Variants in SYNPO2 observed in about 807,000 individuals in gnomAD.
SYNPO2 encodes the protein synaptopodin-2.
A neutral mutation model predicts 85.0 loss-of-function variants in SYNPO2; 56 were observed. The ratio of observed to expected loss-of-function variants is 0.66; its 90% confidence interval spans 0.53 to 0.82. The LOEUF is 0.82. SYNPO2 is among the 40% of genes least tolerant of loss of function. The pLI is 0.00. For missense variants in SYNPO2, 1,575 were observed against 1,534.2 expected, an observed-to-expected ratio of 1.03 and a Z score of -0.44; for synonymous variants, 602 against 591.1, an observed-to-expected ratio of 1.02 and a Z score of -0.27.
rs139496222 is a variant in SYNPO2, at chr4:119,034,668, C to T, written c.3252+2641C>T. 86 of 985,484 alleles carry T rather than the reference C, an allele frequency of 8.7e-5. 1 individual carries two copies. The East Asian group carries it at 8.0e-3, about 92-fold the overall frequency. 61.0% of individuals were successfully genotyped at this position (985,484 alleles called of 1,614,324 possible). A position where few individuals can be genotyped will look rare whatever the true frequency, so the allele number is the denominator to read the frequency against. ...TCCAAAACAATATCCACAACAAAGT[C>T]TGACCTCACTCTGAGGGAGATGGGA... is the stretch of plus-strand genomic sequence containing the variant. On this transcript the variant is annotated intron_variant, in intron 4 of 4. Transcript: ENST00000307142.
chr4:119,006,796 G>T (rs561631733), intron 1 of SYNPO2, among the ~76,000 whole-genome samples: 14 of 152,202 alleles, frequency 9.2e-5, no homozygotes, highest in African/African-American at 3.4e-4. Flanking sequence ...AGGATGATCT[G>T]TATAGCCAGG....
chr4:119,026,527 G>T (rs1040200208), intron 2 of SYNPO2, 100 bp from the exon 3 acceptor site: 3 of 1,262,294 alleles, frequency 2.4e-6, no homozygotes, highest in Middle Eastern at 2.0e-4. Context: ...AAAATATTTT[G>T]ACTATATCAC....
At chr4:118,887,166 A>AGTGAGTGTGTGT (rs1553935343), upstream of SYNPO2, among the ~76,000 whole-genome samples, 1 of 139,058 alleles carries the variant, frequency 7.2e-6, no homozygotes, top group African/African-American at 2.8e-5. Flanking sequence ...CATCTGAGTG[A>AGTGAGTGTGTGT]GTGTGTGTGT....
At chr4:118,914,593 GT>G (rs1000008612) in intron 1 of SYNPO2, among the ~76,000 whole-genome samples, 5 of 152,064 alleles carry the variant, frequency 3.3e-5, no homozygotes, top group African/African-American at 4.8e-5. Flanking sequence ...ATCTGGGAGG[GT>G]TTTTTTGTGA....
At chr4:119,050,378 T>C (rs1280112990) in intron 4 of SYNPO2, among the ~76,000 whole-genome samples, 1 of 152,038 alleles carries the variant, frequency 6.6e-6, no homozygotes, top group Non-Finnish European at 1.5e-5. Context: ...ATTGCAAGTA[T>C]AGTCCAATTA....
At chr4:118,969,751 T>C (rs1390676684) in intron 1 of SYNPO2, among the ~76,000 whole-genome samples, 1 of 151,464 alleles carries the variant, frequency 6.6e-6, no homozygotes, top group Non-Finnish European at 1.5e-5. Flanking sequence ...ATAGCTGTTA[T>C]TTTGGAAGTT....
intron 1 of SYNPO2, among the ~76,000 whole-genome samples, chr4:118,893,836 T>C (rs1372906919): frequency 6.9e-6 from 1 of 145,872 alleles, no homozygotes; most frequent in South Asian, 2.1e-4. Flanking sequence ...TATTTCAAAA[T>C]AGCTAAAAAA....
intron 1 of SYNPO2, among the ~76,000 whole-genome samples, chr4:118,905,437 T>TGTGC (rs1185135882): frequency 2.1e-5 from 2 of 96,040 alleles, no homozygotes; most frequent in African/African-American, 2.9e-5. Flanking sequence ...CTGATGTGTG[T>TGTGC]GTGTGCGTGT....
At chr4:118,942,623 C>G (rs1189494394) in intron 1 of SYNPO2, among the ~76,000 whole-genome samples, 3 of 152,114 alleles carry the variant, frequency 2.0e-5, no homozygotes, top group Non-Finnish European at 4.4e-5. Flanking sequence ...AAGAGAATGA[C>G]TCATCTCTAC....
At chr4:118,928,523 T>A (rs1161252035) in intron 1 of SYNPO2, among the ~76,000 whole-genome samples, 1 of 152,134 alleles carries the variant, frequency 6.6e-6, no homozygotes, top group Non-Finnish European at 1.5e-5. Flanking sequence ...ACTAGTACTT[T>A]GAGACTTGAA....
intron 1 of SYNPO2, among the ~76,000 whole-genome samples, chr4:118,911,839 T>C (rs1733149381): frequency 6.6e-6 from 1 of 152,058 alleles, no homozygotes; most frequent in Admixed American, 6.6e-5. Flanking sequence ...AATCCCACAA[T>C]AGAGCTAAAT....
Position 118,927,749 on chromosome 4 carries a change from T to TAGATATATA in SYNPO2, c.105+38608_105+38609insAGATATATA, listed in dbSNP as rs1553938465. Among the ~76,000 whole-genome samples, 1,029 of 116,262 alleles carry TAGATATATA rather than the reference T, an allele frequency of 8.9e-3. 7 individuals carry two copies. The highest frequency in any genetic ancestry group is 0.019 in the East Asian group (77 of 4,092). The allele number at this position is 116,262 out of a possible 152,430, so 76.3% of individuals were successfully genotyped here. ...ATAGATAGATAGATAGATAGATAGA[T>TAGATATATA]GATAGATAGATATATAGATAGATAG... is the stretch of plus-strand genomic sequence containing the variant. On this transcript the variant is annotated intron_variant, in intron 1 of 4. Transcript: ENST00000307142.
chr4:118,943,821 T>C (rs1350538973), intron 1 of SYNPO2, among the ~76,000 whole-genome samples: 2 of 152,224 alleles, frequency 1.3e-5, no homozygotes, highest in Admixed American at 6.5e-5. Context: ...AAATGTCTTA[T>C]GCCAAATCAA....
intron 1 of SYNPO2, among the ~76,000 whole-genome samples, chr4:118,903,009 G>C (rs1421839007): frequency 2.6e-5 from 4 of 152,076 alleles, no homozygotes; most frequent in African/African-American, 9.7e-5. Flanking sequence ...TTTCAGTGCT[G>C]GTTAAGACTT....
chr4:119,038,104 A>G, intron 4 of SYNPO2: 1 of 978,464 alleles, frequency 1.0e-6, no homozygotes, highest in Non-Finnish European at 1.2e-6. Context: ...TTTGTCTGGC[A>G]TCCAAACCTG....
intron 4 of SYNPO2, chr4:119,036,100 C>T (rs1738502534): frequency 1.0e-6 from 1 of 985,276 alleles, no homozygotes; most frequent in African/African-American, 1.7e-5. Flanking sequence ...CAAGCACCCC[C>T]ATTCTAAGGG....
intron 3 of SYNPO2, 108 bp from the exon 4 acceptor site, chr4:119,029,737 A>AT: frequency 7.8e-7 from 1 of 1,289,292 alleles, no homozygotes; most frequent in Non-Finnish European, 1.0e-6. Context: ...CTCAATGGCA[A>AT]TTTTTTACAT....
chr4:119,024,198 C>A (rs938771198), intron 2 of SYNPO2, among the ~76,000 whole-genome samples: 7 of 150,686 alleles, frequency 4.6e-5, no homozygotes, highest in Non-Finnish European at 8.8e-5. Context: ...ATAAAAGAAA[C>A]CTTTAAATGT....
intron 4 of SYNPO2, among the ~76,000 whole-genome samples, chr4:119,052,799 A>T (rs1739094890): frequency 6.6e-6 from 1 of 152,220 alleles, no homozygotes; most frequent in African/African-American, 2.4e-5. Flanking sequence ...GTAACCATTG[A>T]ACTCTTCCTA....
Sources: allele counts gnomAD v4.1 joint callset (sites outside exome capture counted in the v4.1 genomes callset), GRCh38; gene constraint gnomAD v4.1.1; transcripts MANE v1.5; gene names NCBI Gene and HGNC (gene_info 2026-07-23, HGNC 2026-07-21).